Variants in WDR7 observed in about 807,000 individuals in gnomAD.
The protein encoded by WDR7 is WD repeat-containing protein 7.
In WDR7, 46 loss-of-function variants were observed where a neutral mutation model predicts 169.4. The observed-to-expected ratio is 0.27, with a 90% CI of 0.21 to 0.35. The LOEUF is 0.35. Ranked by LOEUF, WDR7 falls within the 10% of genes least tolerant of loss-of-function variation. The probability of loss-of-function intolerance (pLI) is 1.00; values close to 1 mark genes in which losing one functional copy is unlikely to be tolerated. For synonymous variants in WDR7, 612 were observed against 666.8 expected, an observed-to-expected ratio of 0.92 and a Z score of 1.27; for missense variants, 1,534 against 1,859.3, an observed-to-expected ratio of 0.83 and a Z score of 3.22.
chr18:56,898,406 T>C (rs2046357672), intron 21 of WDR7, among the ~76,000 whole-genome samples: 1 of 152,056 alleles, frequency 6.6e-6, no homozygotes, highest in African/African-American at 2.4e-5. Context: ...AAAATCAGTA[T>C]ATTTAACACA....
At chr18:56,743,612 T>C (rs140217803) in intron 14 of WDR7, among the ~76,000 whole-genome samples, 1 of 152,206 alleles carries the variant, frequency 6.6e-6, no homozygotes, top group African/African-American at 2.4e-5. Context: ...TCCCAGGATG[T>C]TGGAAGGAGA....
Position 56,891,454 on chromosome 18 carries a change from T to A in WDR7, c.3526+11289T>A, listed in dbSNP as rs538657966. ...TAAATCAATGCATGAAAAAAATGCC[T>A]GACATATAAGTACTTATAAATGTTA... On this transcript the variant is annotated intron_variant, in intron 21 of 27. Transcript: ENST00000254442. Among the ~76,000 whole-genome samples the A allele has an allele frequency of 2.0e-3, 312 of 152,238 alleles. 3 individuals carry two copies. The highest frequency in any genetic ancestry group is 6.7e-3 in the African/African-American group (280 of 41,556).
At chr18:56,889,536 A>G (rs906033033) in intron 21 of WDR7, among the ~76,000 whole-genome samples, 1 of 152,326 alleles carries the variant, frequency 6.6e-6, no homozygotes, top group African/African-American at 2.4e-5. Context: ...AGTACCACTG[A>G]ATATATTTAC....
At chr18:56,698,340 C>T (rs544476695) in intron 12 of WDR7, among the ~76,000 whole-genome samples, 2 of 152,172 alleles carry the variant, frequency 1.3e-5, no homozygotes, top group East Asian at 3.9e-4. Context: ...GGCATGGTGG[C>T]TCATGCCTGT....
At chr18:56,739,402 A>G (rs539499550) in intron 14 of WDR7, among the ~76,000 whole-genome samples, 38 of 152,008 alleles carry the variant, frequency 2.5e-4, no homozygotes, top group Non-Finnish European at 5.6e-4. Context: ...CTACAACTCC[A>G]TTTGCCCCCC....
At chr18:56,737,090 A>G (rs2026716792) in intron 14 of WDR7, among the ~76,000 whole-genome samples, 1 of 152,212 alleles carries the variant, frequency 6.6e-6, no homozygotes, top group African/African-American at 2.4e-5. Flanking sequence ...TTGGAGGTAG[A>G]GCCATCTTTT....
chr18:57,032,801 T>TTATATATATATATATATATATATATA (rs56876611), downstream of WDR7: 1 of 106,192 alleles, frequency 9.4e-6, no homozygotes, highest in Non-Finnish European at 2.0e-5. Flanking sequence ...TATAATTATT[T>TTATATATATATATATATATATATATA]TATATATATA....
At chr18:56,724,319 A>C (rs112524445) in intron 13 of WDR7, among the ~76,000 whole-genome samples, 5,554 of 147,354 alleles carry the variant, frequency 0.038, 295 homozygotes, top group African/African-American at 0.12. Context: ...TCAAGTGATT[A>C]TCCTGCCTCA....
chr18:56,788,500 G>A (rs976464043), intron 19 of WDR7, among the ~76,000 whole-genome samples: 1 of 152,106 alleles, frequency 6.6e-6, no homozygotes, highest in African/African-American at 2.4e-5. Context: ...TGTAAAATAA[G>A]AGTAAACTGG....
At chr18:56,815,521 C>T (rs886430308) in intron 19 of WDR7, among the ~76,000 whole-genome samples, 3 of 152,136 alleles carry the variant, frequency 2.0e-5, no homozygotes, top group Non-Finnish European at 4.4e-5. Flanking sequence ...GACCTTATAT[C>T]GAATTCCTTC....
At chr18:56,659,251 G>A (rs763201318) in intron 1 of WDR7, among the ~76,000 whole-genome samples, 2 of 152,184 alleles carry the variant, frequency 1.3e-5, no homozygotes, top group Non-Finnish European at 2.9e-5. Context: ...CATTATTATA[G>A]AAGAACTAGT....
At chr18:56,774,522 C>G (rs2044212411) in intron 16 of WDR7, among the ~76,000 whole-genome samples, 1 of 152,088 alleles carries the variant, frequency 6.6e-6, no homozygotes, top group African/African-American at 2.4e-5. Flanking sequence ...GACATAGCAG[C>G]TTTTCTGTTA....
intron 13 of WDR7, among the ~76,000 whole-genome samples, chr18:56,720,911 A>G (rs996201329): frequency 2.6e-5 from 4 of 152,184 alleles, no homozygotes; most frequent in Non-Finnish European, 5.9e-5. Flanking sequence ...TTGGATTTCA[A>G]CCATAATGGG....
chr18:56,960,477 G>T (rs937671190), intron 25 of WDR7, among the ~76,000 whole-genome samples: 9 of 152,096 alleles, frequency 5.9e-5, no homozygotes, highest in Admixed American at 5.9e-4. Flanking sequence ...AAATACCACT[G>T]CAAATTATAT....
intron 26 of WDR7, among the ~76,000 whole-genome samples, chr18:56,983,566 CACACAGAGAGAGAG>C (rs1287222529): frequency 1.3e-5 from 1 of 75,798 alleles, no homozygotes; most frequent in African/African-American, 1.0e-4. Flanking sequence ...AACACACACA[CACACAGAGAGAGAG>C]AGAGAGAGAG....
chr18:57,027,286 A>G lies in WDR7; in HGVS notation c.*79A>G. The G allele has an allele frequency of 9.3e-6, 14 of 1,504,818 alleles. No homozygotes were observed. In the South Asian group the frequency reaches 1.1e-4, roughly 12 times the overall value. 93.2% of individuals were successfully genotyped at this position (1,504,818 alleles called of 1,614,324 possible). A position where few individuals can be genotyped will look rare whatever the true frequency, so the allele number is the denominator to read the frequency against. On this transcript the variant is annotated 3_prime_UTR_variant, in exon 28 of 28. Transcript: ENST00000254442. ...ATGTTGCTCTGTCCTTCCTCACACC[A>G]GATTGTTCCCAGGGGCCTGCCCACC...
In WDR7 at chr18:56,943,042, C is replaced by T. The variant is rs1469161287; in HGVS notation, c.4064+3649C>T. 2.0e-5 allele frequency among the ~76,000 whole-genome samples: 3 copies of T among 152,200 alleles called. No homozygotes were observed. The East Asian group carries it at 5.8e-4, about 29-fold the overall frequency. On this transcript the variant is annotated intron_variant, in intron 25 of 27. Coordinates refer to ENST00000254442, the MANE Select transcript of WDR7 (RefSeq NM_015285.3). ...AAATTATAGAGGACTTCAGAGAACA[C>T]TAAGCTTGCATGGGATCTCAGAAGT...
chr18:56,930,531 C>T (rs1459753712), intron 22 of WDR7, among the ~76,000 whole-genome samples: 1 of 152,126 alleles, frequency 6.6e-6, no homozygotes, highest in Non-Finnish European at 1.5e-5. Flanking sequence ...TAAAGATACA[C>T]ATTTAAGGGA....
intron 20 of WDR7, among the ~76,000 whole-genome samples, chr18:56,824,242 G>A (rs562095687): frequency 1.3e-5 from 2 of 152,274 alleles, no homozygotes; most frequent in East Asian, 1.9e-4. Flanking sequence ...CAGCTTGAGT[G>A]TCGTCATCTT....
Sources: gnomAD v4.1 joint callset for allele counts (sites outside exome capture counted in the v4.1 genomes callset) on GRCh38, gnomAD v4.1.1 for gene constraint, MANE v1.5 for transcripts, NCBI Gene and HGNC (gene_info 2026-07-23, HGNC 2026-07-21) for gene names.